The following OXR1 variants were observed in gnomAD, a reference collection of about 807,000 sequenced individuals.
OXR1 encodes oxidation resistance protein 1.
OXR1 carries 41 observed loss-of-function variants against 104.6 expected under a neutral mutation model. The observed-to-expected ratio is 0.39, with a 90% CI of 0.31 to 0.51. OXR1 has a LOEUF of 0.51. Among genes scored for constraint, OXR1 ranks in the 20% least tolerant of loss-of-function variants. The probability of loss-of-function intolerance (pLI) is 0.77; values close to 1 mark genes in which losing one functional copy is unlikely to be tolerated. For missense variants in OXR1, 955 were observed against 1,031.9 expected, an observed-to-expected ratio of 0.93 and a Z score of 1.02; for synonymous variants, 348 against 348.4, an observed-to-expected ratio of 1.00 and a Z score of 0.01.
intron 2 of OXR1, among the ~76,000 whole-genome samples, chr8:106,502,306 G>A (rs1341630351): frequency 6.6e-6 from 1 of 152,156 alleles, no homozygotes; most frequent in Non-Finnish European, 1.5e-5. Context: ...AAATTATGTA[G>A]CCAGTCCAGA....
chr8:106,634,200 A>G (rs759952651), intron 3 of OXR1, among the ~76,000 whole-genome samples: 3 of 152,210 alleles, frequency 2.0e-5, no homozygotes, highest in Non-Finnish European at 4.4e-5. Flanking sequence ...GTGAAAGGCA[A>G]GTTAAAACAT....
rs573880853 is a variant in OXR1, at chr8:106,611,978, T to G, written c.221-67232T>G. Among the ~76,000 whole-genome samples the G allele has an allele frequency of 2.0e-5, 3 of 152,260 alleles. No individual in the cohort carries two copies. The South Asian group carries it at 6.2e-4, about 31-fold the overall frequency. On this transcript the variant is annotated intron_variant, in intron 3 of 16. Coordinates refer to ENST00000517566, the MANE Select transcript of OXR1 (RefSeq NM_001198533.2). ...AGGTCATTCTGTTTTTCGTGAGAAC[T>G]GCCTTATTTCCAGGATTAATTCTGT...
chr8:106,694,986 C>G (rs935677183), intron 7 of OXR1, among the ~76,000 whole-genome samples: 10 of 88,102 alleles, frequency 1.1e-4, no homozygotes, highest in Non-Finnish European at 1.8e-4. Flanking sequence ...TAATATATAT[C>G]TTTAATATGT....
chr8:106,572,007 C>T (rs1817507024), intron 3 of OXR1, among the ~76,000 whole-genome samples: 1 of 152,142 alleles, frequency 6.6e-6, no homozygotes, highest in Non-Finnish European at 1.5e-5. Context: ...TAGCCCTGCC[C>T]ATTTGGCCTG....
At chr8:106,442,069 T>G (rs923847503) in intron 2 of OXR1, among the ~76,000 whole-genome samples, 1 of 152,204 alleles carries the variant, frequency 6.6e-6, no homozygotes, top group African/African-American at 2.4e-5. Context: ...GTAGCTCTTA[T>G]TATTTTGAGA....
intron 3 of OXR1, among the ~76,000 whole-genome samples, chr8:106,572,057 T>C (rs968469149): frequency 6.6e-6 from 1 of 152,186 alleles, no homozygotes; most frequent in African/African-American, 2.4e-5. Flanking sequence ...GTCCCCACTC[T>C]TTCAAATGGA....
chr8:106,481,473 G>A (rs984521252), intron 2 of OXR1, among the ~76,000 whole-genome samples: 4 of 151,992 alleles, frequency 2.6e-5, no homozygotes, highest in African/African-American at 9.7e-5. Flanking sequence ...CTCCAATAAA[G>A]TGTTTTAATA....
At chr8:106,403,938 A>G (rs1046756738) in intron 2 of OXR1, among the ~76,000 whole-genome samples, 2 of 152,174 alleles carry the variant, frequency 1.3e-5, no homozygotes, top group Admixed American at 1.3e-4. Flanking sequence ...AAATCTTGTT[A>G]TAGATCTGCA....
rs555229537 is a variant in OXR1, at chr8:106,310,773, A to G, written c.-139+40406A>G. Among the ~76,000 whole-genome samples the G allele has an allele frequency of 1.4e-4, 22 of 152,248 alleles. No homozygotes were observed. In the East Asian group the frequency reaches 2.3e-3, roughly 16 times the overall value. ...CTCAATTATTGAGAGGTGTGATGCT[A>G]TTCTGCTACCTAACATTTTGTTGTT... On this transcript the variant is annotated intron_variant, in intron 1 of 16. Coordinates refer to ENST00000517566, the MANE Select transcript of OXR1 (RefSeq NM_001198533.2).
intron 3 of OXR1, among the ~76,000 whole-genome samples, chr8:106,662,451 G>A (rs745815814): frequency 4.6e-5 from 7 of 152,272 alleles, no homozygotes; most frequent in East Asian, 1.9e-4. Flanking sequence ...AAGGAGAAGC[G>A]TTTAGAAGCC....
At chr8:106,697,391 C>A in intron 7 of OXR1, 1 of 1,322,158 alleles carries the variant, frequency 7.6e-7, no homozygotes, top group South Asian at 1.3e-5. Flanking sequence ...ATTAACCACT[C>A]GTGGGAGGGC....
At chr8:106,294,412 A>AG (rs768199552) in intron 1 of OXR1, among the ~76,000 whole-genome samples, 1 of 131,408 alleles carries the variant, frequency 7.6e-6, no homozygotes, top group East Asian at 2.4e-4. Flanking sequence ...AAAAAAAAAA[A>AG]AAAGAAAGAA....
At chr8:106,407,513 C>T (rs1475135438) in intron 2 of OXR1, among the ~76,000 whole-genome samples, 1 of 152,128 alleles carries the variant, frequency 6.6e-6, no homozygotes, top group Admixed American at 6.6e-5. Flanking sequence ...ATCTGAAGTG[C>T]CAGTTGAGGT....
chr8:106,739,072 G>GCACACACACACACACA (rs1563762636), intron 12 of OXR1, among the ~76,000 whole-genome samples: 3 of 73,346 alleles, frequency 4.1e-5, no homozygotes, highest in Non-Finnish European at 7.8e-5. Flanking sequence ...ATTTTAAATA[G>GCACACACACACACACA]CATACACACA....
At chr8:106,512,628 G>T (rs1812610086) in intron 2 of OXR1, among the ~76,000 whole-genome samples, 1 of 152,088 alleles carries the variant, frequency 6.6e-6, no homozygotes, top group African/African-American at 2.4e-5. Context: ...TAGGCTCAAG[G>T]TAGAGTTGTA....
chr8:106,719,639 AG>A (rs139520855), intron 11 of OXR1, among the ~76,000 whole-genome samples: 19,970 of 152,064 alleles, frequency 0.13, 1,577 homozygotes, highest in Non-Finnish European at 0.18. Flanking sequence ...TTAAGAAATC[AG>A]ATTTTTTTTC....
chr8:106,324,461 C>T (rs1433083344), intron 1 of OXR1, among the ~76,000 whole-genome samples: 1 of 150,468 alleles, frequency 6.6e-6, no homozygotes, highest in African/African-American at 2.5e-5. Context: ...ACCCCCCCTA[C>T]ACGTGTTTAC....
chr8:106,531,727 C>T (rs1379771655), intron 3 of OXR1, among the ~76,000 whole-genome samples: 4 of 152,082 alleles, frequency 2.6e-5, no homozygotes, highest in Admixed American at 6.6e-5. Flanking sequence ...GCAAAATCAG[C>T]ACAATAATAT....
At chr8:106,310,428 G>A (rs1166631004) in intron 1 of OXR1, among the ~76,000 whole-genome samples, 1 of 152,086 alleles carries the variant, frequency 6.6e-6, no homozygotes, top group East Asian at 1.9e-4. Flanking sequence ...TAATTCTGCT[G>A]CGCCACTGTC....
Sources: gnomAD v4.1 joint callset for allele counts (sites outside exome capture counted in the v4.1 genomes callset) on GRCh38, gnomAD v4.1.1 for gene constraint, MANE v1.5 for transcripts, NCBI Gene and HGNC (gene_info 2026-07-23, HGNC 2026-07-21) for gene names.